The following CDYL2 variants were observed in gnomAD, a reference collection of about 807,000 sequenced individuals.
CDYL2 encodes the protein chromodomain Y-like protein 2.
CDYL2 carries 23 observed loss-of-function variants against 49.4 expected under a neutral mutation model. The observed-to-expected ratio is 0.47, with a 90% CI of 0.34 to 0.66. The LOEUF (loss-of-function observed/expected upper bound fraction) is 0.66, where lower values mean the gene tolerates loss of function less well. CDYL2 is among the 30% of genes least tolerant of loss of function. The pLI is 0.01. For synonymous variants in CDYL2, 360 were observed against 268.8 expected, an observed-to-expected ratio of 1.34 and a Z score of -3.32; for missense variants, 678 against 656.4, an observed-to-expected ratio of 1.03 and a Z score of -0.36.
rs572030548 is a variant in CDYL2 at position 80,764,991 on chromosome 16, C to T, written c.24+39159G>A. On this transcript the variant is annotated intron_variant, in intron 1 of 6. Transcript: ENST00000570137. ...AGGAGAATGGCTTGAACCTGGGAGG[C>T]GGAGCTTGCAGTGAGCCGAGATCGC... 4.9e-3 allele frequency among the ~76,000 whole-genome samples: 702 copies of T among 142,488 alleles called. 9 individuals are homozygous for T. Among genetic ancestry groups the T allele is most frequent in the African/African-American group, 0.017 (657 of 38,182 alleles). The allele number at this position is 142,488 out of a possible 152,430, so 93.5% of individuals were successfully genotyped here.
chr16:80,783,890 G>C (rs991381959), intron 1 of CDYL2, among the ~76,000 whole-genome samples: 1 of 152,144 alleles, frequency 6.6e-6, no homozygotes, highest in African/African-American at 2.4e-5. Flanking sequence ...ATGAGTGCCC[G>C]GGGCTGGGAA....
Position 80,604,484 on chromosome 16 carries a change from G to A in CDYL2, c.1425C>T (p.Asn475=), listed in dbSNP as rs771593511. The change falls in exon 7 of 7, where the codon AAC becomes AAT. Residue 475 remains asparagine (N), a synonymous_variant. Coordinates refer to ENST00000570137, the MANE Select transcript of CDYL2 (RefSeq NM_152342.4). ...SFLKSVLEDV[N]EKECLMLKQL... ...GCTTGAGCATGAGGCATTCCTTCTC[G>A]TTCACGTCTTCCAGCACTGATTTCA... The A allele has an allele frequency of 5.6e-6, 9 of 1,614,152 alleles. No homozygotes were observed. The highest frequency in any genetic ancestry group is 3.3e-5 in the Admixed American group (2 of 60,024).
At chr16:80,617,272 G>C (rs1382528753) in intron 4 of CDYL2, among the ~76,000 whole-genome samples, 3 of 152,214 alleles carry the variant, frequency 2.0e-5, no homozygotes, top group Non-Finnish European at 4.4e-5. Context: ...GGGGTGCCAA[G>C]GCCATGCGGC....
intron 2 of CDYL2, among the ~76,000 whole-genome samples, chr16:80,665,505 T>TTA (rs1555528399): frequency 1.6e-5 from 2 of 121,640 alleles, no homozygotes; most frequent in South Asian, 2.8e-4. Flanking sequence ...TTTTTGCCAT[T>TTA]AAAAAAAAAA....
intron 1 of CDYL2, among the ~76,000 whole-genome samples, chr16:80,776,331 G>T (rs997922493): frequency 6.6e-6 from 1 of 151,998 alleles, no homozygotes; most frequent in African/African-American, 2.4e-5. Context: ...TGGTGAATCT[G>T]TTATAATCTA....
intron 1 of CDYL2, among the ~76,000 whole-genome samples, chr16:80,699,928 C>T (rs962851606): frequency 1.3e-5 from 2 of 150,178 alleles, no homozygotes; most frequent in South Asian, 2.1e-4. Context: ...AGTGCAGTGG[C>T]GCGATCTCCG....
At chr16:80,717,055 T>C (rs141073697) in intron 1 of CDYL2, among the ~76,000 whole-genome samples, 19 of 147,600 alleles carry the variant, frequency 1.3e-4, no homozygotes, top group Non-Finnish European at 2.5e-4. Context: ...GATGGATGGA[T>C]AGATGGATGA....
chr16:80,666,252 T>C (rs978429388), intron 2 of CDYL2, among the ~76,000 whole-genome samples: 36 of 152,342 alleles, frequency 2.4e-4, no homozygotes, highest in Non-Finnish European at 3.5e-4. Context: ...TTCGCCTCTA[T>C]GCTACCTGCA....
intron 1 of CDYL2, among the ~76,000 whole-genome samples, chr16:80,742,631 T>C (rs1002758660): frequency 6.6e-6 from 1 of 151,056 alleles, no homozygotes; most frequent in Non-Finnish European, 1.5e-5. Flanking sequence ...GATGAATGGA[T>C]GGATGGATGG....
chr16:80,606,156 CT>C (rs1906322758), intron 6 of CDYL2, among the ~76,000 whole-genome samples: 1 of 152,216 alleles, frequency 6.6e-6, no homozygotes, highest in African/African-American at 2.4e-5. Flanking sequence ...CCTGCCTGGG[CT>C]AGAGGCTGCA....
At chr16:80,657,932 G>T (rs1003839562) in intron 2 of CDYL2, among the ~76,000 whole-genome samples, 12 of 151,934 alleles carry the variant, frequency 7.9e-5, no homozygotes, top group African/African-American at 2.9e-4. Flanking sequence ...AATAAACTAC[G>T]ATGCACCCAC....
rs185081239 is a variant in CDYL2 at position 80,717,922 on chromosome 16, G to T, written c.25-32793C>A. Among the ~76,000 whole-genome samples, 215 of 152,318 alleles carry T rather than the reference G, an allele frequency of 1.4e-3. 1 individual carries two copies. The highest frequency in any genetic ancestry group is 5.0e-3 in the African/African-American group (206 of 41,556). On this transcript the variant is annotated intron_variant, in intron 1 of 6. Coordinates refer to ENST00000570137, the MANE Select transcript of CDYL2 (RefSeq NM_152342.4). ...AAAGTAGGGCACACTGAGCAGGCATGTCTGTTTCTAATAAGTTTCTCCACT... is the reference window on the plus strand; with the variant it reads ...AAAGTAGGGCACACTGAGCAGGCATTTCTGTTTCTAATAAGTTTCTCCACT...
rs1905965130 is a variant in CDYL2 at position 80,599,104 on chromosome 16, G to T, written c.*5284C>A. On this transcript the variant is annotated 3_prime_UTR_variant, in exon 7 of 7. Transcript: ENST00000570137. Reference sequence around the variant, plus strand: ...ATATAAGAGCTCCAGCATCAGGCTAGAAATAAGAGCTCCAGCATCAGGCTA... The same window carrying T: ...ATATAAGAGCTCCAGCATCAGGCTATAAATAAGAGCTCCAGCATCAGGCTA... 1.3e-5 allele frequency: 2 copies of T among 152,024 alleles called. No homozygotes were observed. The highest frequency in any genetic ancestry group is 6.6e-5 in the Admixed American group (1 of 15,232). The allele number at this position is 152,024 out of a possible 1,614,324, so 9.4% of individuals were successfully genotyped here.
In CDYL2 at chr16:80,676,417, T is replaced by C. The variant is rs1456463585; in HGVS notation, c.616+8121A>G. Among the ~76,000 whole-genome samples, 3 of 152,288 alleles carry C rather than the reference T, an allele frequency of 2.0e-5. No homozygotes were observed. The East Asian group carries it at 5.8e-4, about 29-fold the overall frequency. ...ATGGATACCTGTGCTGACAAGAGGC[T>C]GCCCCGGGAACACCCTTCCTGACCT... On this transcript the variant is annotated intron_variant, in intron 2 of 6. Coordinates refer to ENST00000570137, the MANE Select transcript of CDYL2 (RefSeq NM_152342.4).
At chr16:80,704,663 T>C (rs908479104) in intron 1 of CDYL2, among the ~76,000 whole-genome samples, 2 of 152,186 alleles carry the variant, frequency 1.3e-5, no homozygotes, top group Non-Finnish European at 1.5e-5. Context: ...CTGCCACTGA[T>C]TGGAACAGGG....
chr16:80,637,030 A>T (rs1029456598), intron 2 of CDYL2, among the ~76,000 whole-genome samples: 4 of 152,146 alleles, frequency 2.6e-5, no homozygotes, highest in Non-Finnish European at 5.9e-5. Flanking sequence ...AGGGAGAGGA[A>T]CATCACACAC....
At chr16:80,787,341 C>A (rs1300567736) in intron 1 of CDYL2, among the ~76,000 whole-genome samples, 1 of 152,174 alleles carries the variant, frequency 6.6e-6, no homozygotes, top group African/African-American at 2.4e-5. Context: ...TCAATTTATA[C>A]TACAGCACTT....
chr16:80,652,046 G>A (rs191220552), intron 2 of CDYL2, among the ~76,000 whole-genome samples: 5 of 152,264 alleles, frequency 3.3e-5, no homozygotes, highest in African/African-American at 1.2e-4. Flanking sequence ...AATATCTATA[G>A]ATAAGGGTAT....
At chr16:80,664,413 C>T (rs73583686) in intron 2 of CDYL2, among the ~76,000 whole-genome samples, 152 of 152,300 alleles carry the variant, frequency 1.0e-3, no homozygotes, top group African/African-American at 3.6e-3. Context: ...ATCCCCAGGG[C>T]TCCGGTGTCC....
Sources: gnomAD v4.1 joint callset for allele counts (sites outside exome capture counted in the v4.1 genomes callset) on GRCh38, gnomAD v4.1.1 for gene constraint, MANE v1.5 for transcripts, NCBI Gene and HGNC (gene_info 2026-07-23, HGNC 2026-07-21) for gene names.